The following PARD3 variants were observed in gnomAD, a reference collection of about 807,000 sequenced individuals.
The protein encoded by PARD3 is partitioning defective 3 homolog.
In PARD3, 75 loss-of-function variants were observed where a neutral mutation model predicts 155.4. The ratio of observed to expected loss-of-function variants is 0.48; its 90% CI spans 0.40 to 0.58. PARD3 has a LOEUF of 0.58. Ranked by LOEUF, PARD3 falls within the 20% of genes least tolerant of loss-of-function variation. The pLI, the probability that PARD3 is intolerant of heterozygous loss-of-function variation, is 0.00. For missense variants in PARD3, 1,642 were observed against 1,721.7 expected (o/e 0.95, Z 0.82); for synonymous variants, 576 against 610.5 (o/e 0.94, Z 0.83).
rs75287986 is a variant in PARD3, at chr10:34,627,022, C to CTT, written c.222+69294_222+69295dup. Among the ~76,000 whole-genome samples the CTT allele has an allele frequency of 9.4e-3, 1,348 of 143,424 alleles. 25 individuals carry two copies. Among genetic ancestry groups the CTT allele is most frequent in the African/African-American group, 0.032 (1,272 of 39,282 alleles). 94.1% of individuals were successfully genotyped at this position (143,424 alleles called of 152,430 possible). The stretch of plus-strand genomic sequence containing the variant: ...AATTATATTGATCTGAGATACCCAT[C>CTT]TTTTTTTTTTTTTTGGAGATGGGGT... On this transcript the variant is annotated intron_variant, in intron 2 of 24. Coordinates refer to ENST00000374788, the MANE Select transcript of PARD3 (RefSeq NM_001184785.2).
intron 5 of PARD3, among the ~76,000 whole-genome samples, chr10:34,431,975 G>T (rs1360166513): frequency 7.0e-5 from 9 of 128,510 alleles, no homozygotes; most frequent in Non-Finnish European, 1.4e-4. Context: ...CTGAGAGGCA[G>T]AGCTTGCAGT....
At chr10:34,625,338 T>C (rs1279457105) in intron 2 of PARD3, among the ~76,000 whole-genome samples, 2 of 152,240 alleles carry the variant, frequency 1.3e-5, no homozygotes, top group Non-Finnish European at 2.9e-5. Flanking sequence ...ATACACTTAC[T>C]GAGCACCAAC....
chr10:34,396,785 A>C (rs1430221454), intron 7 of PARD3, among the ~76,000 whole-genome samples: 1 of 152,062 alleles, frequency 6.6e-6, no homozygotes, highest in Non-Finnish European at 1.5e-5. Context: ...CAATTTCTTA[A>C]CTTCACTTAA....
chr10:34,727,914 C>T (rs889956898), intron 1 of PARD3, among the ~76,000 whole-genome samples: 27 of 148,618 alleles, frequency 1.8e-4, no homozygotes, highest in African/African-American at 6.8e-4. Context: ...ACACCACTTC[C>T]ATCCAACCCC....
chr10:34,641,474 T>C (rs536960526), intron 2 of PARD3, among the ~76,000 whole-genome samples: 2 of 152,324 alleles, frequency 1.3e-5, no homozygotes, highest in South Asian at 4.1e-4. Flanking sequence ...ATTCTGGTCT[T>C]TGACTGAACA....
At position 34,549,856 on chromosome 10, in the gene PARD3, G is replaced by T. The variant is rs538614674; in HGVS notation, c.223-32697C>A. Among the ~76,000 whole-genome samples, 5 of 152,114 alleles carry T rather than the reference G, an allele frequency of 3.3e-5. No individual in the cohort carries two copies. The South Asian group carries it at 1.0e-3, about 32-fold the overall frequency. ...TGGTCTGTGTGTCTCTGAGCACACA[G>T]AAGGTAAGAAGGTTCTGATGACAGC... On this transcript the variant is annotated intron_variant, in intron 2 of 24. Transcript: ENST00000374788.
intron 1 of PARD3, among the ~76,000 whole-genome samples, chr10:34,801,007 C>CT (rs1186222481): frequency 6.6e-6 from 1 of 152,198 alleles, no homozygotes; most frequent in Non-Finnish European, 1.5e-5. Context: ...TCAAAACACT[C>CT]TAAGATCTGT....
At chr10:34,178,224 C>T (rs1036348292) in intron 22 of PARD3, among the ~76,000 whole-genome samples, 3 of 152,120 alleles carry the variant, frequency 2.0e-5, no homozygotes, top group Non-Finnish European at 2.9e-5. Flanking sequence ...ACACTGACAC[C>T]GATGAACTTG....
intron 2 of PARD3, among the ~76,000 whole-genome samples, chr10:34,590,391 C>T (rs2088561755): frequency 6.6e-6 from 1 of 152,212 alleles, no homozygotes; most frequent in African/African-American, 2.4e-5. Context: ...TTTTCCCCTA[C>T]TTCCCAACTT....
chr10:34,165,181 C>T (rs928377594), intron 22 of PARD3, among the ~76,000 whole-genome samples: 6 of 152,098 alleles, frequency 3.9e-5, no homozygotes, highest in African/African-American at 1.4e-4. Context: ...CCTTATAAAA[C>T]CCTTTGCACC....
intron 2 of PARD3, among the ~76,000 whole-genome samples, chr10:34,651,014 A>C (rs1383775689): frequency 6.1e-4 from 20 of 32,728 alleles, no homozygotes; most frequent in South Asian, 2.0e-3. Flanking sequence ...TCTGTCTCAA[A>C]AAAAAAAAAA....
At chr10:34,581,834 T>C (rs956647656) in intron 2 of PARD3, among the ~76,000 whole-genome samples, 35 of 152,134 alleles carry the variant, frequency 2.3e-4, no homozygotes, top group South Asian at 4.2e-4. Flanking sequence ...AGAAACAGAA[T>C]CTCACAATAA....
At chr10:34,624,372 C>A (rs1000389108) in intron 2 of PARD3, among the ~76,000 whole-genome samples, 18 of 152,176 alleles carry the variant, frequency 1.2e-4, no homozygotes, top group African/African-American at 2.7e-4. Context: ...GTAAAAAAAA[C>A]CACAACGAAA....
chr10:34,600,450 GA>G (rs1053784696), intron 2 of PARD3, among the ~76,000 whole-genome samples: 3 of 149,134 alleles, frequency 2.0e-5, no homozygotes, highest in African/African-American at 7.4e-5. Context: ...TGTCTGAAAT[GA>G]AAAAAAAAAT....
At chr10:34,586,392 G>A (rs766726307) in intron 2 of PARD3, among the ~76,000 whole-genome samples, 4 of 152,072 alleles carry the variant, frequency 2.6e-5, no homozygotes, top group South Asian at 2.1e-4. Flanking sequence ...CTTCCATAAG[G>A]GAACCTGCAG....
At position 34,651,011 on chromosome 10, in the gene PARD3, C is replaced by CAAAAAAA. The variant is rs60113552; in HGVS notation, c.222+45300_222+45306dup. Among the ~76,000 whole-genome samples, 25 of 44,544 alleles carry CAAAAAAA rather than the reference C, an allele frequency of 5.6e-4. 5 individuals are homozygous for CAAAAAAA. The highest frequency in any genetic ancestry group is 0.016 in the Middle Eastern group (1 of 62). 29.2% of individuals were successfully genotyped at this position (44,544 alleles called of 152,430 possible). On this transcript the variant is annotated intron_variant, in intron 2 of 24. Coordinates refer to ENST00000374788, the MANE Select transcript of PARD3 (RefSeq NM_001184785.2). Reference sequence around the variant, plus strand: ...GGGCAACAAGAACGAAACTCTGTCTCAAAAAAAAAAAAAAAAAAAAAAAAA... The same window carrying CAAAAAAA: ...GGGCAACAAGAACGAAACTCTGTCTCAAAAAAAAAAAAAAAAAAAAAAAAAAAAAAAA...
At chr10:34,198,437 T>C (rs1201556350) in intron 22 of PARD3, among the ~76,000 whole-genome samples, 3 of 149,850 alleles carry the variant, frequency 2.0e-5, no homozygotes, top group Non-Finnish European at 4.4e-5. Flanking sequence ...AGAATGCCTA[T>C]CTGAAATCAC....
At chr10:34,616,459 G>A (rs188628180) in intron 2 of PARD3, among the ~76,000 whole-genome samples, 4 of 152,272 alleles carry the variant, frequency 2.6e-5, no homozygotes, top group Non-Finnish European at 4.4e-5. Flanking sequence ...ATTCACAATA[G>A]ACAAAATATT....
chr10:34,309,547 C>CAAAAAAAAAAAAAAAAAAAAAAAAAAAA (rs1323865538), intron 20 of PARD3, among the ~76,000 whole-genome samples: 1 of 46,628 alleles, frequency 2.1e-5, no homozygotes, highest in Non-Finnish European at 4.0e-5. Context: ...GACCCTGTCT[C>CAAAAAAAAAAAAAAAAAAAAAAAAAAAA]CAAAAAAAAA....
Sources: allele counts gnomAD v4.1 joint callset (sites outside exome capture counted in the v4.1 genomes callset), GRCh38; gene constraint gnomAD v4.1.1; transcripts MANE v1.5; gene names NCBI Gene and HGNC (gene_info 2026-07-23, HGNC 2026-07-21).